The following MTMR10 variants were observed in gnomAD, a reference collection of about 807,000 sequenced individuals.
MTMR10 encodes myotubularin related protein 10, also known as myotubularin-related protein 10.
MTMR10 carries 56 observed loss-of-function variants against 88.1 expected under a neutral mutation model. The observed-to-expected ratio is 0.64, with a 90% CI of 0.51 to 0.79. The LOEUF (loss-of-function observed/expected upper bound fraction) is 0.79. Ranked by LOEUF, MTMR10 falls within the 30% of genes least tolerant of loss-of-function variation. The probability of loss-of-function intolerance (pLI) is 0.00; values close to 1 mark genes in which losing one functional copy is unlikely to be tolerated. For synonymous variants in MTMR10, 380 were observed against 340.9 expected (o/e 1.11, Z -1.26); for missense variants, 883 against 924.7 (o/e 0.95, Z 0.58).
chr15:30,938,931 GACA>G (rs2062946571), downstream of MTMR10: 2 of 985,284 alleles, frequency 2.0e-6, no homozygotes, highest in Non-Finnish European at 2.4e-6. Context: ...ATTTCATACT[GACA>G]ACAACAAACA....
intron 6 of MTMR10, among the ~76,000 whole-genome samples, chr15:30,963,194 T>C (rs1300778579): frequency 1.3e-5 from 2 of 152,302 alleles, no homozygotes; most frequent in East Asian, 3.9e-4. Flanking sequence ...CAGCCACATG[T>C]GGCTAGTGGC....
chr15:30,941,640 C>A lies in MTMR10; in HGVS notation c.2164G>T (p.Gly722Cys). 1 of 1,609,056 alleles carries A rather than the reference C, an allele frequency of 6.2e-7. No homozygotes were observed. Among genetic ancestry groups the A allele is most frequent in the Non-Finnish European group, 8.5e-7 (1 of 1,177,660 alleles). ...CCCGAGGTGTCGGTGTGGTGAGGGCCGCTGGCGTTGAAGTACATCCTGCTC... is the reference window on the plus strand; with the variant it reads ...CCCGAGGTGTCGGTGTGGTGAGGGCAGCTGGCGTTGAAGTACATCCTGCTC... ...GQSRMYFNAS[G>C]PHHTDTSGTP... The change falls in exon 16 of 16, where the codon GGC (glycine) becomes TGC (cysteine). Residue 722 changes from glycine to cysteine, a missense_variant. By Grantham distance (159) the Gly-to-Cys change is radical. Coordinates refer to ENST00000435680, the MANE Select transcript of MTMR10 (RefSeq NM_017762.3).
intron 6 of MTMR10, among the ~76,000 whole-genome samples, chr15:30,963,623 C>T (rs1230143139): frequency 8.4e-6 from 1 of 118,488 alleles, no homozygotes; most frequent in East Asian, 2.8e-4. Flanking sequence ...AGCGACACAG[C>T]GAGACTCTGT....
At chr15:30,934,408 CA>C (rs2062797549), downstream of MTMR10, among the ~76,000 whole-genome samples, 1 of 152,188 alleles carries the variant, frequency 6.6e-6, no homozygotes, top group South Asian at 2.1e-4. Flanking sequence ...GGAACATTTA[CA>C]TTTAATTTGA....
At chr15:30,929,739 T>TCATATATAATATATATAAAATATATAA in the MTMR10 span, among the ~76,000 whole-genome samples, 827 of 32,872 alleles carry the variant, frequency 0.025, 151 homozygotes, top group African/African-American at 0.075. Context: ...ATATAATATA[T>TCATATATAATATATATAAAATATATAA]TATATCATAT....
rs1037116788 is a variant in MTMR10, at chr15:30,939,294, G to A, written c.*2176C>T. ...TTCAATACTAGAAATTTCACCCAGTGCATCAGCATCTGTGCGGCATTCCCT... is the reference window on the plus strand; with the variant it reads ...TTCAATACTAGAAATTTCACCCAGTACATCAGCATCTGTGCGGCATTCCCT... On this transcript the variant is annotated 3_prime_UTR_variant, in exon 16 of 16. Transcript: ENST00000435680. 1.0e-6 allele frequency: 1 copy of A among 985,462 alleles called. No individual in the cohort carries two copies. Among genetic ancestry groups the A allele is most frequent in the Non-Finnish European group, 1.2e-6 (1 of 829,952 alleles). The allele number at this position is 985,462 out of a possible 1,614,324, so 61.0% of individuals were successfully genotyped here. A position where few individuals can be genotyped will look rare whatever the true frequency, so the allele number is the denominator to read the frequency against.
chr15:30,949,815 A>G (rs1024732506), intron 12 of MTMR10: 3 of 152,258 alleles, frequency 2.0e-5, no homozygotes, highest in Non-Finnish European at 4.4e-5. Context: ...TACACACTAC[A>G]TGAATGAACC....
At chr15:30,984,265 C>G (rs762622724) in intron 2 of MTMR10, among the ~76,000 whole-genome samples, 6 of 152,146 alleles carry the variant, frequency 3.9e-5, no homozygotes, top group Non-Finnish European at 5.9e-5. Flanking sequence ...TAAGAAAATG[C>G]TGGCCTAAGG....
intron 2 of MTMR10, among the ~76,000 whole-genome samples, chr15:30,986,397 A>T (rs2030940717): frequency 6.6e-6 from 1 of 151,986 alleles, no homozygotes; most frequent in Non-Finnish European, 1.5e-5. Context: ...ACAAAATTGT[A>T]TCTATAGTAT....
downstream of MTMR10, chr15:30,937,237 A>T: frequency 6.2e-7 from 1 of 1,613,916 alleles, no homozygotes; most frequent in Non-Finnish European, 8.5e-7. Context: ...GTTGGAGCTA[A>T]GAGCCAAAGC....
At chr15:30,974,885 T>G in intron 4 of MTMR10, 46 bp downstream of exon 4, 1 of 1,261,962 alleles carries the variant, frequency 7.9e-7, no homozygotes, top group African/African-American at 1.5e-5. Context: ...AAATAATACT[T>G]CCAGAGTGGA....
In MTMR10 at chr15:30,947,218, T is replaced by C. The variant is rs1258851186; in HGVS notation, c.1460A>G (p.Tyr487Cys). 1 of 1,613,950 alleles carries C rather than the reference T, an allele frequency of 6.2e-7. No homozygotes were observed. The highest frequency in any genetic ancestry group is 8.5e-7 in the Non-Finnish European group (1 of 1,179,892). Residue 487 changes from tyrosine to cysteine, a missense_variant, in exon 14 of 16, where the codon TAC becomes TGC. Transcript: ENST00000435680. Reference protein sequence around the residue: ...YPAAFEFSETYLAVLYDSTRI... With the variant: ...YPAAFEFSETCLAVLYDSTRI... ...GGTGCTGTCATACAACACTGCCAGGTAGGTTTCGGAGAACTCAAAAGCTGC... is the reference window on the plus strand; with the variant it reads ...GGTGCTGTCATACAACACTGCCAGGCAGGTTTCGGAGAACTCAAAAGCTGC...
At chr15:30,968,179 C>G (rs2063493930) in intron 5 of MTMR10, 169 bp from the exon 6 acceptor site, 1 of 455,624 alleles carries the variant, frequency 2.2e-6, no homozygotes, top group African/African-American at 2.0e-5. Flanking sequence ...GGCCAGGTAT[C>G]TCATTCACTT....
the MTMR10 span, chr15:30,928,913 C>G: frequency 1.9e-6 from 1 of 518,136 alleles, no homozygotes; most frequent in Non-Finnish European, 2.5e-6. Flanking sequence ...CAGCATCAGC[C>G]CTCCCGAGCA....
chr15:30,990,873 T>C (rs1208894232), intron 1 of MTMR10, 36 bp from the exon 2 acceptor site: 4 of 1,528,400 alleles, frequency 2.6e-6, no homozygotes, highest in Non-Finnish European at 3.6e-6. Context: ...AAAATCTCAA[T>C]CCCCCCACCC....
Position 30,960,937 on chromosome 15 carries a change from T to G in MTMR10, c.702A>C (p.Thr234=). 6.2e-7 allele frequency: 1 copy of G among 1,612,688 alleles called. No homozygotes were observed. Among genetic ancestry groups the G allele is most frequent in the South Asian group, 1.1e-5 (1 of 90,718 alleles). ...AACAAACTCTCCACCCGGAAGCACCTGTCCTCTTGATTTCTCTGTCCCAAT... is the reference window on the plus strand; with the variant it reads ...AACAAACTCTCCACCCGGAAGCACCGGTCCTCTTGATTTCTCTGTCCCAAT... ...YSDWDREIKR[T]GASGWRVCSI... is the part of the protein sequence containing the mutation. The change falls in exon 7 of 16, where the codon ACA becomes ACC. Residue 234 remains threonine, a synonymous_variant. Coordinates refer to ENST00000435680, the MANE Select transcript of MTMR10 (RefSeq NM_017762.3).
chr15:30,985,011 T>C (rs2030851958), intron 2 of MTMR10, among the ~76,000 whole-genome samples: 1 of 152,204 alleles, frequency 6.6e-6, no homozygotes, highest in South Asian at 2.1e-4. Context: ...CTCAGCATTT[T>C]ACCCTTCTGC....
intron 8 of MTMR10, 39 bp from the exon 9 acceptor site, chr15:30,958,990 AC>A (rs774194623): frequency 6.2e-7 from 1 of 1,613,526 alleles, no homozygotes; most frequent in Non-Finnish European, 8.5e-7. Context: ...CTGTGTAGAA[AC>A]AATGGACGTC....
chr15:30,948,444 C>T lies in MTMR10; in HGVS notation c.1235G>A (p.Cys412Tyr), dbSNP rs746448812. The T allele has an allele frequency of 3.7e-6, 6 of 1,610,364 alleles. No homozygotes were observed. Among genetic ancestry groups the T allele is most frequent in the Admixed American group, 3.4e-5 (2 of 59,372 alleles). ...QEEEGRDLSC[C>Y]VASLVQVMLD... The stretch of plus-strand genomic sequence containing the variant: ...CATCACTTGAACAAGAGAAGCTACA[C>T]AACAGCTCAAGTCTCTTCCTTCCTC... The change falls in exon 13 of 16, where the codon TGT becomes TAT. Residue 412 changes from cysteine to tyrosine, a missense_variant. By Grantham distance (194) the Cys-to-Tyr change is radical (BLOSUM62 -2). Transcript: ENST00000435680.
Sources: gnomAD v4.1 joint callset for allele counts (sites outside exome capture counted in the v4.1 genomes callset) on GRCh38, gnomAD v4.1.1 for gene constraint, MANE v1.5 for transcripts, NCBI Gene and HGNC (gene_info 2026-07-23, HGNC 2026-07-21) for gene names.